FLNC: variants seen among roughly 807,000 people sequenced by gnomAD.
FLNC encodes filamin-C.
Under a neutral mutation model 254.3 loss-of-function variants are expected in FLNC, and 91 were observed. That is an observed-to-expected ratio of 0.36 (90% CI 0.30 to 0.43). The LOEUF is 0.43. Among genes scored for constraint, FLNC ranks in the 20% least tolerant of loss-of-function variants. The probability of loss-of-function intolerance (pLI) is 1.00; values close to 1 mark genes in which losing one functional copy is unlikely to be tolerated. For synonymous variants in FLNC, 1,430 were observed against 1,577.2 expected, an observed-to-expected ratio of 0.91 and a Z score of 2.21; for missense variants, 2,853 against 3,802.6, an observed-to-expected ratio of 0.75 and a Z score of 6.57.
At position 128,843,549 on chromosome 7, in the gene FLNC, A is replaced by G; in HGVS notation, c.2783A>G (p.Tyr928Cys). The stretch of plus-strand genomic sequence containing the variant: ...ATCATAGACAACCATGACTACTCCT[A>G]CACTGTCAAGTACACCGCTGTCCAG... ...FEIIDNHDYSYTVKYTAVQQG... is the reference protein window; with the variant it reads ...FEIIDNHDYSCTVKYTAVQQG... Residue 928 changes from tyrosine to cysteine, a missense_variant, in exon 18 of 48, where the codon TAC becomes TGC. Physicochemically the swap from Tyr to Cys is radical, Grantham distance 194. Around this residue, in one of 10 missense-constraint regions of FLNC, gnomAD observed 1,573 missense variants for 1,883.5 expected, o/e 0.84. Coordinates refer to ENST00000325888, the MANE Select transcript of FLNC (RefSeq NM_001458.5). 2 of 1,613,844 alleles carry G rather than the reference A, an allele frequency of 1.2e-6. No homozygotes were observed. Among genetic ancestry groups the G allele is most frequent in the Non-Finnish European group, 1.7e-6 (2 of 1,180,006 alleles).
chr7:128,840,702 C>G, intron 10 of FLNC, 28 bp downstream of exon 10: 1 of 1,614,174 alleles, frequency 6.2e-7, no homozygotes, highest in Non-Finnish European at 8.5e-7. Context: ...CCCATGCTGT[C>G]CTGTCTAGGC....
rs1242242204 is a variant in FLNC at position 128,848,653 on chromosome 7, T to C, written c.4673T>C (p.Leu1558Pro). The C allele has an allele frequency of 6.2e-7, 1 of 1,613,520 alleles. No homozygotes were observed. The highest frequency in any genetic ancestry group is 8.5e-7 in the Non-Finnish European group (1 of 1,180,032). The change falls in exon 27 of 48, where the codon CTG (leucine) becomes CCG (proline). Residue 1558 changes from leucine to proline, a missense_variant. This residue lies in a region of FLNC where 1,573 missense variants were observed against 1,883.5 expected (regional missense o/e 0.84). Transcript: ENST00000325888. ...AACGCCTCTGGCATCCCTGCCAGCC[T>C]GCCTGTGGAGTTCACCATCGACGCA... ...GLNASGIPAS[L>P]PVEFTIDARD...
At chr7:128,850,133 C>A in intron 31 of FLNC, 59 bp downstream of exon 31, 1 of 1,344,048 alleles carries the variant, frequency 7.4e-7, no homozygotes, top group Non-Finnish European at 1.0e-6. Context: ...CATTTCTTCT[C>A]TCTACTCCTC....
At position 128,856,517 on chromosome 7, in the gene FLNC, G is replaced by T; in HGVS notation, c.7252-1G>T. ...CTGAGCATCCTCCGTGGCCTTTGCA[G>T]GAGACGGGGCTCAAGGTGAACCAGC... On this transcript the variant is annotated splice_acceptor_variant, in intron 43 of 47. Coordinates refer to ENST00000325888, the MANE Select transcript of FLNC (RefSeq NM_001458.5). LOFTEE classifies it high-confidence loss of function. The surrounding 1 kb of genome is among the most constrained non-coding windows in gnomAD (Gnocchi z 5.9). 6.2e-7 allele frequency: 1 copy of T among 1,611,962 alleles called. No homozygotes were observed.
In FLNC at chr7:128,842,437, C is replaced by T. The variant is rs1808374169; in HGVS notation, c.2265+63C>T. ...GGTCCCTGAGGGAGGGCGGAACCCTCGCTGGAGTCCCTGTTGTCCCTGGGC... is the reference window on the plus strand; with the variant it reads ...GGTCCCTGAGGGAGGGCGGAACCCTTGCTGGAGTCCCTGTTGTCCCTGGGC... On this transcript the variant is annotated intron_variant, in intron 14 of 47. Coordinates refer to ENST00000325888, the MANE Select transcript of FLNC (RefSeq NM_001458.5). The surrounding 1 kb of genome is among the most constrained non-coding windows in gnomAD (Gnocchi z 5.4). 2 of 1,609,764 alleles carry T rather than the reference C, an allele frequency of 1.2e-6. No individual in the cohort carries two copies. The highest frequency in any genetic ancestry group is 1.7e-6 in the Non-Finnish European group (2 of 1,177,888).
intron 1 of FLNC, among the ~76,000 whole-genome samples, chr7:128,832,698 GTTCCCGC>G (rs1323179662): frequency 6.6e-6 from 1 of 152,238 alleles, no homozygotes; most frequent in East Asian, 1.9e-4. Context: ...AAGCTCCCTG[GTTCCCGC>G]TGGGAGGAAG....
In FLNC at chr7:128,857,547, C is replaced by T. The variant is rs1430311512; in HGVS notation, c.7780+211C>T. Among the ~76,000 whole-genome samples the T allele has an allele frequency of 2.0e-5, 3 of 151,136 alleles. No homozygotes were observed. In the East Asian group the frequency reaches 5.9e-4, roughly 30 times the overall value. ...GCCATTCTTCCTCTCCATCGTGGCC[C>T]CTCACTCCTTCAGCTCTGGCCTGCG... On this transcript the variant is annotated intron_variant, in intron 46 of 47. Transcript: ENST00000325888. This position sits in a 1 kb window ranked among gnomAD's most constrained non-coding sequence, Gnocchi z 4.5.
At position 128,855,226 on chromosome 7, in the gene FLNC, A is replaced by G. The variant is rs776481732; in HGVS notation, c.7163A>G (p.Asn2388Ser). 5 of 1,613,086 alleles carry G rather than the reference A, an allele frequency of 3.1e-6. No individual in the cohort carries two copies. The highest frequency in any genetic ancestry group is 1.7e-5 in the Admixed American group (1 of 60,022). Residue 2388 changes from asparagine to serine, a missense_variant, in exon 43 of 48, where the codon AAT (asparagine) becomes AGT (serine). By Grantham distance (46) the Asn-to-Ser change is conservative. This residue lies in a region of FLNC where 551 missense variants were observed against 835.0 expected (regional missense o/e 0.66). Transcript: ENST00000325888. The stretch of plus-strand genomic sequence containing the variant: ...GACTATGAGGTCTCCATCAAGTTCA[A>G]TGATGAGCACATCCCAGACAGCCCC... ...PGDYEVSIKFNDEHIPDSPFV... is the reference protein window; with the variant it reads ...PGDYEVSIKFSDEHIPDSPFV...
intron 43 of FLNC, among the ~76,000 whole-genome samples, chr7:128,855,577 G>A (rs528863528): frequency 1.3e-5 from 2 of 152,328 alleles, no homozygotes; most frequent in South Asian, 4.1e-4. Flanking sequence ...GCCATTTCTT[G>A]TTACAGTTTG....
In FLNC at chr7:128,841,028, T is replaced by C; in HGVS notation, c.1813+58T>C. On this transcript the variant is annotated intron_variant, in intron 11 of 47. Coordinates refer to ENST00000325888, the MANE Select transcript of FLNC (RefSeq NM_001458.5). This position sits in a 1 kb window ranked among gnomAD's most constrained non-coding sequence, Gnocchi z 4.3. ...TGCGGGGGAGGGCAGCAGGGGACACTGTGGGTAATGGGTGCAGTGCGCATG... is the reference window on the plus strand; with the variant it reads ...TGCGGGGGAGGGCAGCAGGGGACACCGTGGGTAATGGGTGCAGTGCGCATG... 1 of 1,568,600 alleles carries C rather than the reference T, an allele frequency of 6.4e-7. No homozygotes were observed. Among genetic ancestry groups the C allele is most frequent in the South Asian group, 1.1e-5 (1 of 88,096 alleles).
chr7:128,852,960 T>G lies in FLNC; in HGVS notation c.6137T>G (p.Val2046Gly). Residue 2046 changes from valine to glycine, a missense_variant, in exon 37 of 48, where the codon GTC becomes GGC. Around this residue, in one of 10 missense-constraint regions of FLNC, gnomAD observed 551 missense variants for 835.0 expected, o/e 0.66. Transcript: ENST00000325888. ...ATCGGGGACGCCAGCAAGGTGCGGG[T>G]CTGGGGCAAGGGGCTTTCCGAGGGA... The part of the protein sequence containing the change: ...SEIGDASKVR[V>G]WGKGLSEGHT... The G allele has an allele frequency of 1.2e-6, 2 of 1,613,448 alleles. No individual in the cohort carries two copies. The highest frequency in any genetic ancestry group is 2.2e-5 in the South Asian group (2 of 91,066).
chr7:128,843,238 G>T lies in FLNC; in HGVS notation c.2560G>T (p.Ala854Ser). Residue 854 changes from alanine (A) to serine (S), a missense_variant, in exon 17 of 48, where the codon GCC becomes TCC. Physicochemically the swap from Ala to Ser is moderately conservative, Grantham distance 99. Around this residue, in one of 10 missense-constraint regions of FLNC, gnomAD observed 1,573 missense variants for 1,883.5 expected, o/e 0.84. Transcript: ENST00000325888. ...CCTCCTCCACATCCAGGAGATCCCC[G>T]CCAGCCCCTTCCACATCAAGGTGGA... ...MVLFANQEIPASPFHIKVDPS... is the reference protein window; with the variant it reads ...MVLFANQEIPSSPFHIKVDPS... 6.3e-7 allele frequency: 1 copy of T among 1,599,286 alleles called. No homozygotes were observed.
At chr7:128,839,968 G>A (rs544782496) in intron 8 of FLNC, 55 bp from the exon 9 acceptor site, 3 of 1,599,302 alleles carry the variant, frequency 1.9e-6, no homozygotes, top group East Asian at 2.2e-5. Context: ...GGAGGTGGGG[G>A]CTAGTGGTCC....
chr7:128,844,623 G>A (rs770248456), intron 20 of FLNC, 35 bp from the exon 21 acceptor site: 24 of 1,587,864 alleles, frequency 1.5e-5, no homozygotes, highest in African/African-American at 8.0e-5. Flanking sequence ...GAGGAGGCCA[G>A]GTGCAGGGAA....
rs774136875 is a variant in FLNC at position 128,858,238 on chromosome 7, G to A, written c.7990+21G>A. 24 of 1,316,532 alleles carry A rather than the reference G, an allele frequency of 1.8e-5. No homozygotes were observed. Among genetic ancestry groups the A allele is most frequent in the Middle Eastern group, 2.3e-4 (1 of 4,442 alleles). The allele number at this position is 1,316,532 out of a possible 1,614,324, so 81.6% of individuals were successfully genotyped here. On this transcript the variant is annotated intron_variant, in intron 47 of 47. Coordinates refer to ENST00000325888, the MANE Select transcript of FLNC (RefSeq NM_001458.5). This position sits in a 1 kb window ranked among gnomAD's most constrained non-coding sequence, Gnocchi z 6.7. The stretch of plus-strand genomic sequence containing the variant: ...AGCAGGCAGGTGGCGGGGGGAGGGC[G>A]TCTCCCGGGGTGTGAGCAAGAAGCC...
chr7:128,858,364 C>G lies in FLNC; in HGVS notation c.8019C>G (p.His2673Gln), dbSNP rs112180788. The G allele has an allele frequency of 2.1e-5, 33 of 1,571,912 alleles. No homozygotes were observed. Among genetic ancestry groups the G allele is most frequent in the Non-Finnish European group, 2.8e-5 (32 of 1,144,538 alleles). ...AGTNMMMVGV[H>Q]GPKTPCEEVY... Reference sequence around the variant, plus strand: ...CCAACATGATGATGGTGGGCGTGCACGGCCCCAAGACCCCCTGTGAGGAGG... The same window carrying G: ...CCAACATGATGATGGTGGGCGTGCAGGGCCCCAAGACCCCCTGTGAGGAGG... Residue 2673 changes from histidine to glutamine, a missense_variant, in exon 48 of 48, where the codon CAC (histidine) becomes CAG (glutamine). Transcript: ENST00000325888. The surrounding 1 kb of genome is among the most constrained non-coding windows in gnomAD (Gnocchi z 6.7).
chr7:128,832,973 G>A (rs1291870693), intron 1 of FLNC, among the ~76,000 whole-genome samples: 3 of 152,176 alleles, frequency 2.0e-5, no homozygotes, highest in Non-Finnish European at 4.4e-5. Flanking sequence ...TCTCAGCACC[G>A]AAATCGAGCA....
Position 128,850,499 on chromosome 7 carries a change from T to C in FLNC, c.5398+16T>C, listed in dbSNP as rs13227216. The C allele has an allele frequency of 0.22, 358,838 of 1,598,528 alleles. 48,289 individuals are homozygous for C. Among genetic ancestry groups the C allele is most frequent in the African/African-American group, 0.6 (45,007 of 74,770 alleles). ...GAGCTCACAGGTACTGCCCTGTGGC[T>C]CCCAGGCATGAGGGCTGAGGGGAGA... On this transcript the variant is annotated intron_variant, in intron 32 of 47. Coordinates refer to ENST00000325888, the MANE Select transcript of FLNC (RefSeq NM_001458.5).
chr7:128,845,843 G>GGAGAGGAGGGGGAGAGGAGGGT, intron 21 of FLNC, 147 bp from the exon 22 acceptor site: 2 of 738,044 alleles, frequency 2.7e-6, no homozygotes, highest in African/African-American at 1.8e-5. Flanking sequence ...TTGGGGAGTG[G>GGAGAGGAGGGGGAGAGGAGGGT]GAGAGGAGGG....
Sources: gnomAD v4.1 joint callset for allele counts (sites outside exome capture counted in the v4.1 genomes callset) on GRCh38, gnomAD v4.1.1 for gene constraint, gnomAD v4.1.1 regional missense constraint, Gnocchi (gnomAD v3.1) non-coding constraint, MANE v1.5 for transcripts, NCBI Gene and HGNC (gene_info 2026-07-23, HGNC 2026-07-21) for gene names.